Variants in MAK observed in about 807,000 individuals in gnomAD.
The protein encoded by MAK is male germ cell associated kinase.
In MAK, 65 loss-of-function variants were observed where a neutral mutation model predicts 82.6. The observed-to-expected ratio is 0.79, with a 90% CI of 0.64 to 0.97. The LOEUF is 0.97. Among genes scored for constraint, MAK ranks in the 50% least tolerant of loss-of-function variants. The pLI, the probability that MAK is intolerant of heterozygous loss-of-function variation, is 0.00. For synonymous variants in MAK, 250 were observed against 274.2 expected, an observed-to-expected ratio of 0.91 and a Z score of 0.87; for missense variants, 703 against 780.2, an observed-to-expected ratio of 0.90 and a Z score of 1.18.
At chr6:10,811,201 G>A (rs1243448948) in intron 5 of MAK, among the ~76,000 whole-genome samples, 3 of 152,210 alleles carry the variant, frequency 2.0e-5, no homozygotes, top group Non-Finnish European at 4.4e-5. Context: ...TTTTCACCAC[G>A]TTGGCCAGGC....
In MAK at chr6:10,817,926, C is replaced by T. The variant is rs767920227; in HGVS notation, c.202G>A (p.Val68Ile). 7.0e-7 allele frequency: 1 copy of T among 1,418,508 alleles called. No homozygotes were observed. Among genetic ancestry groups the T allele is most frequent in the Non-Finnish European group, 9.8e-7 (1 of 1,020,360 alleles). The allele number at this position is 1,418,508 out of a possible 1,614,324, so 87.9% of individuals were successfully genotyped here. The change falls in exon 4 of 15, where the codon GTT becomes ATT. Residue 68 changes from valine (V) to isoleucine (I), a missense_variant. By Grantham distance (29) the Val-to-Ile change is conservative. Transcript: ENST00000354489. ...NHANVIKLKEVIRENDHLYFI... is the reference protein window; with the variant it reads ...NHANVIKLKEIIRENDHLYFI... Reference sequence around the variant, plus strand: ...TAAAGATGGTCATTTTCTCTGATAACTTCTTTCAATTTAATAACATTGGCA... The same window carrying T: ...TAAAGATGGTCATTTTCTCTGATAATTTCTTTCAATTTAATAACATTGGCA...
intron 6 of MAK, among the ~76,000 whole-genome samples, chr6:10,805,200 AATAATT>A (rs1776332237): frequency 6.6e-6 from 1 of 152,220 alleles, no homozygotes; most frequent in South Asian, 2.1e-4. Flanking sequence ...TAACTTGGCG[AATAATT>A]ATCTTCCTTG....
At chr6:10,807,785 C>T (rs548428531) in intron 6 of MAK, among the ~76,000 whole-genome samples, 5 of 151,644 alleles carry the variant, frequency 3.3e-5, no homozygotes, top group African/African-American at 7.2e-5. Context: ...TGTTATCGGC[C>T]GGGCCCGGTG....
intron 14 of MAK, among the ~76,000 whole-genome samples, chr6:10,766,970 T>C (rs1281105048): frequency 6.6e-6 from 1 of 152,216 alleles, no homozygotes; most frequent in Non-Finnish European, 1.5e-5. Context: ...TTCCTAGATA[T>C]ACTAGAATTT....
At position 10,787,728 on chromosome 6, in the gene MAK, G is replaced by A. The variant is rs780785174; in HGVS notation, c.1317-3156C>T. Among the ~76,000 whole-genome samples, 4 of 151,872 alleles carry A rather than the reference G, an allele frequency of 2.6e-5. No individual in the cohort carries two copies. The East Asian group carries it at 5.9e-4, about 22-fold the overall frequency. ...TACAAAAAATTAGCCGAGTGTGGTG[G>A]TGGGCACCTGCAGTCCCAGCTACTC... On this transcript the variant is annotated intron_variant, in intron 10 of 14. Coordinates refer to ENST00000354489, the MANE Select transcript of MAK (RefSeq NM_001242957.3).
At chr6:10,773,842 C>T (rs1174380208) in intron 12 of MAK, among the ~76,000 whole-genome samples, 1 of 151,976 alleles carries the variant, frequency 6.6e-6, no homozygotes, top group East Asian at 1.9e-4. Flanking sequence ...TAGGCGCATG[C>T]CACCATGCCT....
chr6:10,822,194 C>T (rs1243226638), intron 2 of MAK, among the ~76,000 whole-genome samples: 2 of 150,690 alleles, frequency 1.3e-5, no homozygotes, highest in African/African-American at 2.5e-5. Context: ...TGGCTCACAC[C>T]TGTAATCGCA....
chr6:10,818,085 G>A (rs1455986117), intron 3 of MAK, 114 bp from the exon 4 acceptor site: 2 of 559,708 alleles, frequency 3.6e-6, no homozygotes, highest in South Asian at 2.1e-5. Flanking sequence ...ATTTCTCCTG[G>A]GTTCATTAAT....
In MAK at chr6:10,764,577, CCCGA is replaced by C. The variant is rs760121453; in HGVS notation, c.1818_1821del (p.Arg607GlyfsTer15). The C allele has an allele frequency of 1.2e-6, 2 of 1,613,756 alleles. No homozygotes were observed. The highest frequency in any genetic ancestry group is 1.7e-6 in the Non-Finnish European group (2 of 1,179,920). ...TTATAAGTACGTCCTGAAAACTGCC[CCCGA>C]CCAGTTTTTGTGTTCCAGGTATATT... On this transcript the variant is annotated frameshift_variant, in exon 15 of 15. Coordinates refer to ENST00000354489, the MANE Select transcript of MAK (RefSeq NM_001242957.3). LOFTEE classifies it high-confidence loss of function.
intron 12 of MAK, 42 bp from the exon 13 acceptor site, chr6:10,773,150 G>T: frequency 1.8e-6 from 2 of 1,102,972 alleles, no homozygotes; most frequent in South Asian, 1.6e-5. Context: ...ATAGTAAGGA[G>T]AATGTTATAG....
intron 2 of MAK, chr6:10,826,728 A>C (rs1319134395): frequency 6.6e-6 from 1 of 152,252 alleles, no homozygotes; most frequent in Non-Finnish European, 1.5e-5. Context: ...CCCTGCAGCT[A>C]GGGGTGCCAT....
rs200536068 is a variant in MAK, at chr6:10,765,440, A to ATTTTT, written c.1793-839_1793-835dup. Among the ~76,000 whole-genome samples, 131 of 130,608 alleles carry ATTTTT rather than the reference A, an allele frequency of 1.0e-3. 6 individuals are homozygous for ATTTTT. The highest frequency in any genetic ancestry group is 4.0e-3 in the African/African-American group (120 of 29,974). 85.7% of individuals were successfully genotyped at this position (130,608 alleles called of 152,430 possible). ...TTAAAATGTGGGTTTTAGAATGAAG[A>ATTTTT]TTTTTTTTTTTTTTTTTTTTTTTTT... On this transcript the variant is annotated intron_variant, in intron 14 of 14. Transcript: ENST00000354489.
intron 11 of MAK, among the ~76,000 whole-genome samples, chr6:10,780,548 G>A (rs925677120): frequency 7.4e-5 from 11 of 148,864 alleles, no homozygotes; most frequent in South Asian, 2.1e-4. Flanking sequence ...TCCACCTCCC[G>A]GGTTCAAGCC....
rs760103192 is a variant in MAK at position 10,803,761 on chromosome 6, C to A, written c.622G>T (p.Glu208Ter). The change falls in exon 7 of 15, where the codon GAA becomes TAA. Residue 208 changes from glutamate to a stop codon, truncating the protein, a stop_gained. Coordinates refer to ENST00000354489, the MANE Select transcript of MAK (RefSeq NM_001242957.3). LOFTEE classifies it high-confidence loss of function. ...AAAACTTGGCAAATTTTAAAGATTT[C>A]ATCGACCTCACTTGTCCCTGGGAAA... Reference protein sequence around the residue: ...PLFPGTSEVDEIFKICQVLGT... With the variant: ...PLFPGTSEVD 2.5e-6 allele frequency: 4 copies of A among 1,614,076 alleles called. No homozygotes were observed. In the East Asian group the frequency reaches 8.9e-5, roughly 36 times the overall value.
At chr6:10,805,463 T>C (rs1776364561) in intron 6 of MAK, among the ~76,000 whole-genome samples, 1 of 151,552 alleles carries the variant, frequency 6.6e-6, no homozygotes, top group Admixed American at 6.6e-5. Context: ...GGTGGGCGTC[T>C]GTAAGCTCAG....
Position 10,779,901 on chromosome 6 carries a change from G to A in MAK, c.1466-4442C>T, listed in dbSNP as rs138851514. On this transcript the variant is annotated intron_variant, in intron 11 of 14. Transcript: ENST00000354489. ...GGGGTTTCATTATGTTGGCCAGGCT[G>A]GTCTCGAATTCCTGACCTCAGGTGA... Among the ~76,000 whole-genome samples, 1,065 of 152,258 alleles carry A rather than the reference G, an allele frequency of 7.0e-3. 7 individuals carry two copies. The highest frequency in any genetic ancestry group is 0.023 in the African/African-American group (956 of 41,548).
At chr6:10,826,885 G>GT (rs1182432453) in intron 2 of MAK, among the ~76,000 whole-genome samples, 2 of 152,188 alleles carry the variant, frequency 1.3e-5, no homozygotes, top group Non-Finnish European at 2.9e-5. Context: ...GCTGAGACTG[G>GT]TGGATCACCT....
At chr6:10,823,998 C>CA (rs5874290) in intron 2 of MAK, among the ~76,000 whole-genome samples, 4,839 of 146,932 alleles carry the variant, frequency 0.033, 166 homozygotes, top group African/African-American at 0.086. Flanking sequence ...TGGTAACAAA[C>CA]AAAAAAAAAA....
At position 10,800,070 on chromosome 6, in the gene MAK, A is replaced by C. The variant is rs1775894697; in HGVS notation, c.831+1822T>G. ...TTCAAAAACAAAAACAAAAACAAAA[A>C]AAAACTAAACAAAAAAACCCCTCTG... is the stretch of plus-strand genomic sequence containing the variant. On this transcript the variant is annotated intron_variant, in intron 8 of 14. Coordinates refer to ENST00000354489, the MANE Select transcript of MAK (RefSeq NM_001242957.3). The surrounding 1 kb of genome is among the most constrained non-coding windows in gnomAD (Gnocchi z 4.2). Among the ~76,000 whole-genome samples, 1 of 151,396 alleles carries C rather than the reference A, an allele frequency of 6.6e-6. No individual in the cohort carries two copies. Among genetic ancestry groups the C allele is most frequent in the Non-Finnish European group, 1.5e-5 (1 of 67,926 alleles).
Sources: gnomAD v4.1 joint callset for allele counts (sites outside exome capture counted in the v4.1 genomes callset) on GRCh38, gnomAD v4.1.1 for gene constraint, Gnocchi (gnomAD v3.1) non-coding constraint, MANE v1.5 for transcripts, NCBI Gene and HGNC (gene_info 2026-07-23, HGNC 2026-07-21) for gene names.